Variants in CLDN10 observed in about 807,000 individuals in gnomAD.
CLDN10 encodes the protein claudin 10, also known as claudin-10.
In CLDN10, 15 loss-of-function variants were observed where a neutral mutation model predicts 22.9. The observed-to-expected ratio is 0.65, with a 90% CI of 0.44 to 1.01. The LOEUF (loss-of-function observed/expected upper bound fraction) is 1.01, where lower values mean the gene tolerates loss of function less well. Among genes scored for constraint, CLDN10 ranks in the 50% least tolerant of loss-of-function variants. The pLI is 0.00. For missense variants in CLDN10, 247 were observed against 287.8 expected (o/e 0.86, Z 1.03); for synonymous variants, 114 against 111.4 (o/e 1.02, Z -0.15).
At chr13:95,494,371 A>G (rs540868636) in intron 1 of CLDN10, among the ~76,000 whole-genome samples, 42 of 152,380 alleles carry the variant, frequency 2.8e-4, no homozygotes, top group Admixed American at 2.6e-4. Context: ...ATAGGTAAAT[A>G]TACAAACACA....
At chr13:95,577,818 A>T (rs1242686798) in intron 4 of CLDN10, 82 bp from the exon 5 acceptor site, 4 of 785,524 alleles carry the variant, frequency 5.1e-6, no homozygotes, top group Non-Finnish European at 6.4e-6. Flanking sequence ...ATATTGGCAG[A>T]GACAGGCCGA....
intron 1 of CLDN10, among the ~76,000 whole-genome samples, chr13:95,455,628 A>G (rs1192672965): frequency 6.6e-6 from 1 of 152,204 alleles, no homozygotes. Flanking sequence ...TTCTTTATTC[A>G]TGAAAGAACT....
chr13:95,492,978 T>TC (rs1356609265), intron 1 of CLDN10, among the ~76,000 whole-genome samples: 1 of 152,020 alleles, frequency 6.6e-6, no homozygotes, highest in Non-Finnish European at 1.5e-5. Context: ...AAGAGGAGGG[T>TC]CCCCCTTTCC....
At chr13:95,510,531 T>A (rs2043085425) in intron 1 of CLDN10, among the ~76,000 whole-genome samples, 1 of 152,216 alleles carries the variant, frequency 6.6e-6, no homozygotes, top group African/African-American at 2.4e-5. Flanking sequence ...AAAGATCTTA[T>A]CTTTACATAG....
rs774757453 is a variant in CLDN10, at chr13:95,578,022, C to T, written c.*8C>T. On this transcript the variant is annotated 3_prime_UTR_variant, in exon 5 of 5. Transcript: ENST00000299339. ...AAAAATGCTTATGTCTAAAAGAGCTCGCTGGCAAGCTGCCTCTTGAGTTTG... is the reference window on the plus strand; with the variant it reads ...AAAAATGCTTATGTCTAAAAGAGCTTGCTGGCAAGCTGCCTCTTGAGTTTG... The T allele has an allele frequency of 2.1e-5, 32 of 1,523,058 alleles. No homozygotes were observed. Among genetic ancestry groups the T allele is most frequent in the Middle Eastern group, 1.7e-4 (1 of 5,900 alleles). 94.3% of individuals were successfully genotyped at this position (1,523,058 alleles called of 1,614,324 possible).
upstream of CLDN10, among the ~76,000 whole-genome samples, chr13:95,549,532 C>T (rs1179236809): frequency 6.6e-6 from 1 of 152,104 alleles, no homozygotes; most frequent in Non-Finnish European, 1.5e-5. Flanking sequence ...ATTCTCCTGA[C>T]AAAACTAGCT....
chr13:95,524,084 C>T, intron 1 of CLDN10, among the ~76,000 whole-genome samples: 1 of 139,500 alleles, frequency 7.2e-6, no homozygotes, highest in South Asian at 2.3e-4. Flanking sequence ...GTCTTAGGTA[C>T]TTTGACTGGC....
intron 1 of CLDN10, among the ~76,000 whole-genome samples, chr13:95,477,520 G>T (rs955739395): frequency 6.6e-6 from 1 of 152,182 alleles, no homozygotes; most frequent in African/African-American, 2.4e-5. Context: ...TTATTGGGTT[G>T]CACAGAGCAA....
At chr13:95,573,674 C>T (rs933351450) in intron 3 of CLDN10, among the ~76,000 whole-genome samples, 8 of 151,848 alleles carry the variant, frequency 5.3e-5, no homozygotes, top group Admixed American at 2.0e-4. Flanking sequence ...CAATAACACA[C>T]GTCAGTTTTT....
intron 1 of CLDN10, among the ~76,000 whole-genome samples, chr13:95,531,012 G>A (rs552242579): frequency 2.0e-5 from 3 of 150,974 alleles, no homozygotes; most frequent in Non-Finnish European, 4.4e-5. Flanking sequence ...TCAGCCTCCC[G>A]GGTTCAAGCG....
intron 1 of CLDN10, among the ~76,000 whole-genome samples, chr13:95,547,236 G>C (rs4771919): frequency 0.82 from 123,802 of 151,638 alleles, 50,827 homozygotes; most frequent in East Asian, 0.94. Flanking sequence ...CTTTGCAAGC[G>C]CCTCACTCCC....
upstream of CLDN10, among the ~76,000 whole-genome samples, chr13:95,550,196 G>T (rs1017948527): frequency 6.6e-6 from 1 of 152,228 alleles, no homozygotes; most frequent in South Asian, 2.1e-4. Context: ...TGTTGCAACG[G>T]TAATCTGGGC....
intron 1 of CLDN10, among the ~76,000 whole-genome samples, chr13:95,438,110 G>A (rs1030055260): frequency 3.9e-5 from 6 of 152,194 alleles, no homozygotes; most frequent in Admixed American, 3.9e-4. Context: ...CTGGAGTGCA[G>A]TGGCACGATC....
At chr13:95,482,071 A>C (rs4322517) in intron 1 of CLDN10, among the ~76,000 whole-genome samples, 84,581 of 151,940 alleles carry the variant, frequency 0.56, 24,377 homozygotes, top group African/African-American at 0.71. Flanking sequence ...GTAAAAATAA[A>C]AGAGTATAAT....
chr13:95,521,448 TTCTC>T (rs2043223618), intron 1 of CLDN10, among the ~76,000 whole-genome samples: 1 of 152,160 alleles, frequency 6.6e-6, no homozygotes, highest in East Asian at 1.9e-4. Flanking sequence ...GTCATATTAT[TTCTC>T]TCTTTTAATC....
At chr13:95,545,341 C>T (rs974857538) in intron 1 of CLDN10, among the ~76,000 whole-genome samples, 5 of 151,798 alleles carry the variant, frequency 3.3e-5, no homozygotes, top group Admixed American at 6.6e-5. Flanking sequence ...TTAAAGAGTT[C>T]GAAACCAGCC....
At chr13:95,531,150 C>T (rs1466120226) in intron 1 of CLDN10, among the ~76,000 whole-genome samples, 1 of 151,940 alleles carries the variant, frequency 6.6e-6, no homozygotes, top group Non-Finnish European at 1.5e-5. Context: ...GATCTCATGA[C>T]CTCATGATCT....
In CLDN10 at chr13:95,579,094, A is replaced by G. The variant is rs1347729921; in HGVS notation, c.*1080A>G. The G allele has an allele frequency of 6.6e-6, 1 of 152,250 alleles. No individual in the cohort carries two copies. Among genetic ancestry groups the G allele is most frequent in the Non-Finnish European group, 1.5e-5 (1 of 68,048 alleles). 9.4% of individuals were successfully genotyped at this position (152,250 alleles called of 1,614,324 possible). A position where few individuals can be genotyped will look rare whatever the true frequency, so the allele number is the denominator to read the frequency against. ...TATTTATATCCTACTGCTCAAGGTC[A>G]TCGCCAAGGTGTGATTGGAAAAATT... On this transcript the variant is annotated 3_prime_UTR_variant, in exon 5 of 5. Coordinates refer to ENST00000299339, the MANE Select transcript of CLDN10 (RefSeq NM_006984.5).
intron 1 of CLDN10, among the ~76,000 whole-genome samples, chr13:95,497,758 T>C (rs1458226430): frequency 6.6e-6 from 1 of 152,160 alleles, no homozygotes; most frequent in Non-Finnish European, 1.5e-5. Flanking sequence ...TTCAGCACTT[T>C]TGCAGCCAAA....
Sources: gnomAD v4.1 joint callset for allele counts (sites outside exome capture counted in the v4.1 genomes callset) on GRCh38, gnomAD v4.1.1 for gene constraint, MANE v1.5 for transcripts, NCBI Gene and HGNC (gene_info 2026-07-23, HGNC 2026-07-21) for gene names.